The following UPF2 variants were observed in gnomAD, a reference collection of about 807,000 sequenced individuals.
The protein encoded by UPF2 is regulator of nonsense transcripts 2.
Under a neutral mutation model 141.4 loss-of-function variants are expected in UPF2, and 17 were observed. The observed-to-expected ratio is 0.12, with a 90% confidence interval of 0.08 to 0.18. The LOEUF (loss-of-function observed/expected upper bound fraction) is 0.18, where lower values mean the gene tolerates loss of function less well. Ranked by LOEUF, UPF2 falls within the 10% of genes least tolerant of loss-of-function variation. The probability of loss-of-function intolerance (pLI) is 1.00; values close to 1 mark genes in which losing one functional copy is unlikely to be tolerated. For synonymous variants in UPF2, 540 were observed against 498.0 expected, an observed-to-expected ratio of 1.08 and a Z score of -1.12; for missense variants, 1,152 against 1,515.9, an observed-to-expected ratio of 0.76 and a Z score of 3.99.
At position 12,014,100 on chromosome 10, in the gene UPF2, C is replaced by T; in HGVS notation, c.1230G>A (p.Leu410=). The change falls in exon 4 of 22, where the codon CTG becomes CTA. Residue 410 remains leucine, a synonymous_variant. Coordinates refer to ENST00000357604, the MANE Select transcript of UPF2 (RefSeq NM_015542.4). This position sits in a 1 kb window ranked among gnomAD's most constrained non-coding sequence, Gnocchi z 5.0. The stretch of plus-strand genomic sequence containing the variant: ...GGTCTGCTAAGGATTGAGAATTTGC[C>T]AGCAGCTTCTGGTAAGACATAGCAA... ...EEFAMSYQKL[L]ANSQSLADLL... 1 of 1,599,168 alleles carries T rather than the reference C, an allele frequency of 6.3e-7. No individual in the cohort carries two copies. Among genetic ancestry groups the T allele is most frequent in the Non-Finnish European group, 8.5e-7 (1 of 1,171,968 alleles).
At chr10:11,975,177 C>A (rs776133838) in intron 9 of UPF2, among the ~76,000 whole-genome samples, 12 of 152,118 alleles carry the variant, frequency 7.9e-5, no homozygotes, top group Admixed American at 2.6e-4. Flanking sequence ...AGGAGGATTG[C>A]GTGAGTCCAG....
At position 11,979,433 on chromosome 10, in the gene UPF2, C is replaced by T. The variant is rs1833557402; in HGVS notation, c.1845-268G>A. 6.6e-6 allele frequency among the ~76,000 whole-genome samples: 1 copy of T among 152,014 alleles called. No individual in the cohort carries two copies. On this transcript the variant is annotated intron_variant, in intron 8 of 21. Coordinates refer to ENST00000357604, the MANE Select transcript of UPF2 (RefSeq NM_015542.4). This position sits in a 1 kb window ranked among gnomAD's most constrained non-coding sequence, Gnocchi z 6.2. Reference sequence around the variant, plus strand: ...GTAATTTTGATGAAATATGAAACACCACACACAAAAAAACAGTATGTTTTG... The same window carrying T: ...GTAATTTTGATGAAATATGAAACACTACACACAAAAAAACAGTATGTTTTG...
intron 9 of UPF2, among the ~76,000 whole-genome samples, chr10:11,975,650 A>G (rs1833494367): frequency 6.6e-6 from 1 of 150,864 alleles, no homozygotes; most frequent in South Asian, 2.1e-4. Context: ...CTGGGATTAC[A>G]GGCATGTGCC....
At chr10:11,996,729 A>G (rs1833870342) in intron 8 of UPF2, among the ~76,000 whole-genome samples, 1 of 152,208 alleles carries the variant, frequency 6.6e-6, no homozygotes, top group African/African-American at 2.4e-5. Context: ...TCACTACATT[A>G]ACACATTCCC....
At chr10:12,029,631 A>C (rs1425155796) in intron 2 of UPF2, 107 bp from the exon 3 acceptor site, 1 of 1,237,464 alleles carries the variant, frequency 8.1e-7, no homozygotes, top group Non-Finnish European at 1.1e-6. Flanking sequence ...TAAGTATAAC[A>C]ATCTACAAGA....
chr10:11,951,954 C>A, intron 15 of UPF2, 112 bp downstream of exon 15: 5 of 1,164,254 alleles, frequency 4.3e-6, no homozygotes, highest in Non-Finnish European at 4.9e-6. Context: ...ACACTCAACA[C>A]CGAAAATAGA....
chr10:12,029,590 TAA>T (rs1834479687), intron 2 of UPF2, 66 bp from the exon 3 acceptor site: 2 of 1,470,470 alleles, frequency 1.4e-6, no homozygotes, highest in Non-Finnish European at 9.1e-7. Flanking sequence ...ACAAATCCCC[TAA>T]GAGTAAAAAG....
intron 10 of UPF2, among the ~76,000 whole-genome samples, chr10:11,966,903 T>C (rs1480067517): frequency 6.6e-6 from 1 of 152,230 alleles, no homozygotes; most frequent in African/African-American, 2.4e-5. Context: ...TGTATTCACA[T>C]GACAGAGTAA....
intron 16 of UPF2, among the ~76,000 whole-genome samples, chr10:11,947,237 G>C (rs920267517): frequency 6.6e-6 from 1 of 152,126 alleles, no homozygotes; most frequent in Non-Finnish European, 1.5e-5. Flanking sequence ...AAAACTGCTA[G>C]TTTTAATCAC....
chr10:12,017,981 A>T (rs1016526137), intron 3 of UPF2, among the ~76,000 whole-genome samples: 25 of 152,190 alleles, frequency 1.6e-4, no homozygotes, highest in African/African-American at 6.0e-4. Flanking sequence ...ACAGAATGCC[A>T]ATTAATACAG....
intron 11 of UPF2, among the ~76,000 whole-genome samples, chr10:11,961,459 G>A (rs1373810688): frequency 6.6e-6 from 1 of 151,856 alleles, no homozygotes; most frequent in Non-Finnish European, 1.5e-5. Flanking sequence ...GGCATATGTG[G>A]CACGAACAGA....
intron 3 of UPF2, among the ~76,000 whole-genome samples, chr10:12,027,904 T>A (rs550394071): frequency 6.6e-6 from 1 of 152,338 alleles, no homozygotes; most frequent in African/African-American, 2.4e-5. Context: ...TTCTCAACCA[T>A]GCAATATAAA....
At position 11,940,854 on chromosome 10, in the gene UPF2, C is replaced by T. The variant is rs556463819; in HGVS notation, c.3378+1811G>A. ...TGCCCCGCCCTCTATTAGTGCTGGC[C>T]GCCTTTTAGTTTTTTAAATACAGGT... On this transcript the variant is annotated intron_variant, in intron 18 of 21. Coordinates refer to ENST00000357604, the MANE Select transcript of UPF2 (RefSeq NM_015542.4). The surrounding 1 kb of genome is among the most constrained non-coding windows in gnomAD (Gnocchi z 4.2). Among the ~76,000 whole-genome samples the T allele has an allele frequency of 6.6e-6, 1 of 152,118 alleles. No homozygotes were observed. Among genetic ancestry groups the T allele is most frequent in the Non-Finnish European group, 1.5e-5 (1 of 68,018 alleles).
At chr10:11,962,370 T>C (rs1833254315) in intron 11 of UPF2, among the ~76,000 whole-genome samples, 1 of 152,216 alleles carries the variant, frequency 6.6e-6, no homozygotes, top group Non-Finnish European at 1.5e-5. Context: ...CCCTCATATC[T>C]GTGACTGGCA....
intron 9 of UPF2, among the ~76,000 whole-genome samples, chr10:11,975,681 TTG>T (rs1833495194): frequency 6.6e-6 from 1 of 151,512 alleles, no homozygotes; most frequent in African/African-American, 2.4e-5. Context: ...GCTAATTTTG[TTG>T]TTTTTTTTTT....
intron 15 of UPF2, among the ~76,000 whole-genome samples, chr10:11,950,303 T>G (rs1430070321): frequency 6.6e-6 from 1 of 152,196 alleles, no homozygotes; most frequent in African/African-American, 2.4e-5. Context: ...TTCAGGTGTC[T>G]GAAAACAAAA....
chr10:12,028,617 G>T (rs1373853855), intron 3 of UPF2, 128 bp downstream of exon 3: 8 of 913,594 alleles, frequency 8.8e-6, no homozygotes, highest in Non-Finnish European at 1.3e-5. Context: ...AAATTTTCCT[G>T]GAATGTTAAG....
intron 21 of UPF2, among the ~76,000 whole-genome samples, chr10:11,927,621 G>A (rs1832729204): frequency 6.6e-6 from 1 of 152,198 alleles, no homozygotes; most frequent in East Asian, 1.9e-4. Context: ...CTTAATTAAA[G>A]GACTTTAATA....
At chr10:11,922,564 C>A (rs1832659184) in intron 21 of UPF2, among the ~76,000 whole-genome samples, 4 of 152,152 alleles carry the variant, frequency 2.6e-5, no homozygotes, top group Admixed American at 2.0e-4. Context: ...TGTTCAAAAT[C>A]TTTGCTAAGT....
Sources: allele counts gnomAD v4.1 joint callset (sites outside exome capture counted in the v4.1 genomes callset), GRCh38; gene constraint gnomAD v4.1.1; non-coding constraint Gnocchi (gnomAD v3.1); transcripts MANE v1.5; gene names NCBI Gene and HGNC (gene_info 2026-07-23, HGNC 2026-07-21).